The following ICAM1 variants were observed in gnomAD, a reference collection of about 807,000 sequenced individuals.
ICAM1 encodes intercellular adhesion molecule 1.
ICAM1 carries 28 observed loss-of-function variants against 42.3 expected under a neutral mutation model. That is an observed-to-expected ratio of 0.66 (90% CI 0.49 to 0.91). The LOEUF is 0.91. Ranked by LOEUF, ICAM1 falls within the 40% of genes least tolerant of loss-of-function variation. ICAM1 has a pLI of 0.00. For missense variants in ICAM1, 637 were observed against 688.6 expected (o/e 0.93, Z 0.84); for synonymous variants, 304 against 305.9 (o/e 0.99, Z 0.07).
chr19:10,273,888 C>T (rs1336960997), intron 1 of ICAM1, among the ~76,000 whole-genome samples: 2 of 152,040 alleles, frequency 1.3e-5, no homozygotes, highest in Non-Finnish European at 2.9e-5. Flanking sequence ...GTGGTGCTTG[C>T]CTGTAATCCC....
In ICAM1 at chr19:10,283,550, G is replaced by T. The variant is rs781416568; in HGVS notation, c.401G>T (p.Arg134Leu). The change falls in exon 3 of 7, where the codon CGC becomes CTC. Residue 134 changes from arginine (R) to leucine (L), a missense_variant. Coordinates refer to ENST00000264832, the MANE Select transcript of ICAM1 (RefSeq NM_000201.3). ...CCAGTGGGCAAGAACCTTACCCTAC[G>T]CTGCCAGGTGGAGGGTGGGGCACCC... ...WQPVGKNLTL[R>L]CQVEGGAPRA... 6.2e-7 allele frequency: 1 copy of T among 1,612,290 alleles called. No individual in the cohort carries two copies. The highest frequency in any genetic ancestry group is 8.5e-7 in the Non-Finnish European group (1 of 1,179,134).
chr19:10,275,087 G>C (rs1014038697), intron 2 of ICAM1, 59 bp downstream of exon 2: 1 of 1,537,218 alleles, frequency 6.5e-7, no homozygotes, highest in Non-Finnish European at 8.9e-7. Context: ...GACGTGCAGG[G>C]GCACCTGCAG....
chr19:10,283,449 C>T, intron 2 of ICAM1, 32 bp from the exon 3 acceptor site: 2 of 1,519,974 alleles, frequency 1.3e-6, no homozygotes, highest in Non-Finnish European at 1.8e-6. Flanking sequence ...AGGTCCACTT[C>T]ACCAGACACC....
At chr19:10,282,698 T>TG (rs1321249324) in intron 2 of ICAM1, among the ~76,000 whole-genome samples, 1 of 145,396 alleles carries the variant, frequency 6.9e-6, no homozygotes, top group African/African-American at 2.4e-5. Context: ...AGGTTTTTTT[T>TG]TTTGTTTTGT....
chr19:10,278,546 G>GTT (rs1192848785), intron 2 of ICAM1, among the ~76,000 whole-genome samples: 39 of 82,408 alleles, frequency 4.7e-4, no homozygotes, highest in African/African-American at 9.4e-4. Context: ...TGCCTGATAG[G>GTT]TCTTTTTTTT....
intron 2 of ICAM1, among the ~76,000 whole-genome samples, chr19:10,278,761 C>T (rs1350316687): frequency 6.6e-6 from 1 of 151,854 alleles, no homozygotes; most frequent in African/African-American, 2.4e-5. Flanking sequence ...AGGCTGGTCT[C>T]GAACTCTAGA....
intron 2 of ICAM1, among the ~76,000 whole-genome samples, chr19:10,280,942 G>T (rs979698673): frequency 1.4e-5 from 2 of 144,132 alleles, no homozygotes; most frequent in Admixed American, 7.2e-5. Context: ...GGTTCGATCT[G>T]GGCTCACTGC....
intron 1 of ICAM1, 67 bp from the exon 2 acceptor site, chr19:10,274,698 C>A: frequency 6.4e-7 from 1 of 1,554,884 alleles, no homozygotes; most frequent in African/African-American, 1.4e-5. Context: ...CCAGCACAGG[C>A]TGGGCGCACA....
intron 3 of ICAM1, 111 bp from the exon 4 acceptor site, chr19:10,283,922 G>T: frequency 6.8e-7 from 1 of 1,460,548 alleles, no homozygotes. Flanking sequence ...ATGTGACCTA[G>T]GCTGCTGAGT....
At chr19:10,276,122 G>GGTTCGAATCCTAGGA (rs2040015042) in intron 2 of ICAM1, among the ~76,000 whole-genome samples, 1 of 151,600 alleles carries the variant, frequency 6.6e-6, no homozygotes, top group Admixed American at 6.6e-5. Context: ...TTAACCCAGG[G>GGTTCGAATCCTAGGA]GTTCGAATCC....
chr19:10,274,866 T>C lies in ICAM1; in HGVS notation c.169T>C (p.Leu57=). 1.9e-6 allele frequency: 3 copies of C among 1,614,206 alleles called. No individual in the cohort carries two copies. The highest frequency in any genetic ancestry group is 2.5e-6 in the Non-Finnish European group (3 of 1,180,036). ...TCSTSCDQPK[L]LGIETPLPKK... is the part of the protein sequence containing the mutation. The stretch of plus-strand genomic sequence containing the variant: ...CAGCACCTCCTGTGACCAGCCCAAG[T>C]TGTTGGGCATAGAGACCCCGTTGCC... The change falls in exon 2 of 7, where the codon TTG becomes CTG. Residue 57 remains leucine, a synonymous_variant. Transcript: ENST00000264832.
At position 10,284,697 on chromosome 19, in the gene ICAM1, GC is replaced by G; in HGVS notation, c.1180+43del. On this transcript the variant is annotated intron_variant, in intron 5 of 6. Transcript: ENST00000264832. The surrounding 1 kb of genome is among the most constrained non-coding windows in gnomAD (Gnocchi z 5.4). ...TGGTCAATGGCCCCTATCCCCCAAG[GC>G]CCAATCTCCCTGAAGGTCCCATAAG... is the stretch of plus-strand genomic sequence containing the variant. 1 of 1,612,690 alleles carries G rather than the reference GC, an allele frequency of 6.2e-7. No homozygotes were observed. The highest frequency in any genetic ancestry group is 8.5e-7 in the Non-Finnish European group (1 of 1,179,472).
At chr19:10,272,567 T>TTC (rs1406199109) in intron 1 of ICAM1, among the ~76,000 whole-genome samples, 8 of 115,020 alleles carry the variant, frequency 7.0e-5, no homozygotes, top group African/African-American at 2.6e-4. Context: ...TTTCTTTTTT[T>TTC]TTTTTTTTTT....
At chr19:10,283,224 A>G (rs928708059) in intron 2 of ICAM1, 3 of 406,522 alleles carry the variant, frequency 7.4e-6, no homozygotes, top group Non-Finnish European at 1.3e-5. Flanking sequence ...ACCTAGCAAT[A>G]GACTTTGAAG....
Position 10,283,985 on chromosome 19 carries a change from C to T in ICAM1, c.638-48C>T, listed in dbSNP as rs757607074. 8.9e-6 allele frequency: 14 copies of T among 1,575,406 alleles called. No individual in the cohort carries two copies. In the East Asian group the frequency reaches 2.7e-4, roughly 30 times the overall value. On this transcript the variant is annotated intron_variant, in intron 3 of 6. Transcript: ENST00000264832. ...GGGAATGAAATGCCCCAGAGAAGGG[C>T]TTCGGGACGTCCATCCCTGTCTGCT...
chr19:10,281,721 C>CTT (rs33958632), intron 2 of ICAM1, among the ~76,000 whole-genome samples: 3 of 106,136 alleles, frequency 2.8e-5, no homozygotes, highest in Admixed American at 1.0e-4. Flanking sequence ...GGTCCTGATG[C>CTT]TTTTTTTTTT....
Position 10,284,532 on chromosome 19 carries a change from C to G in ICAM1, c.1055C>G (p.Pro352Arg). Residue 352 changes from proline (P) to arginine (R), a missense_variant, in exon 5 of 7, where the codon CCG (proline) becomes CGG (arginine). Pro to Arg is a moderately radical substitution (Grantham distance 103). Coordinates refer to ENST00000264832, the MANE Select transcript of ICAM1 (RefSeq NM_000201.3). This position sits in a 1 kb window ranked among gnomAD's most constrained non-coding sequence, Gnocchi z 5.4. ...LNGVPAQPLG[P>R]RAQLLLKATP... ...GGGGTTCCAGCCCAGCCACTGGGCCCGAGGGCCCAGCTCCTGCTGAAGGCC... is the reference window on the plus strand; with the variant it reads ...GGGGTTCCAGCCCAGCCACTGGGCCGGAGGGCCCAGCTCCTGCTGAAGGCC... 6.2e-7 allele frequency: 1 copy of G among 1,613,988 alleles called. No individual in the cohort carries two copies. Among genetic ancestry groups the G allele is most frequent in the South Asian group, 1.1e-5 (1 of 91,086 alleles).
At position 10,284,207 on chromosome 19, in the gene ICAM1, C is replaced by A. The variant is rs747446910; in HGVS notation, c.812C>A (p.Ser271Ter). The A allele has an allele frequency of 6.2e-7, 1 of 1,614,038 alleles. No individual in the cohort carries two copies. The highest frequency in any genetic ancestry group is 8.5e-7 in the Non-Finnish European group (1 of 1,180,030). ...GTCACCTATGGCAACGACTCCTTCT[C>A]GGCCAAGGCCTCAGTCAGTGTGACC... ...PTVTYGNDSF[S>*]AKASVSVTAE... is the part of the protein sequence containing the mutation. Residue 271 changes from serine to a stop codon, truncating the protein, a stop_gained, in exon 4 of 7, where the codon TCG becomes TAG. Coordinates refer to ENST00000264832, the MANE Select transcript of ICAM1 (RefSeq NM_000201.3). LOFTEE classifies it high-confidence loss of function. The surrounding 1 kb of genome is among the most constrained non-coding windows in gnomAD (Gnocchi z 5.4).
Position 10,284,019 on chromosome 19 carries a change from TC to T in ICAM1, c.638-13del. On this transcript the variant is annotated splice_polypyrimidine_tract_variant and intron_variant, in intron 3 of 6. Coordinates refer to ENST00000264832, the MANE Select transcript of ICAM1 (RefSeq NM_000201.3). This position sits in a 1 kb window ranked among gnomAD's most constrained non-coding sequence, Gnocchi z 5.4. ...GTCCATCCCTGTCTGCTCACACCTTTCTTCTCTCCCTAGTCCTGCCAGCGAC... is the reference window on the plus strand; with the variant it reads ...GTCCATCCCTGTCTGCTCACACCTTTTTCTCTCCCTAGTCCTGCCAGCGAC... 6.2e-7 allele frequency: 1 copy of T among 1,607,756 alleles called. No homozygotes were observed. Among genetic ancestry groups the T allele is most frequent in the South Asian group, 1.1e-5 (1 of 90,806 alleles).
Sources: allele counts gnomAD v4.1 joint callset (sites outside exome capture counted in the v4.1 genomes callset), GRCh38; gene constraint gnomAD v4.1.1; non-coding constraint Gnocchi (gnomAD v3.1); transcripts MANE v1.5; gene names NCBI Gene and HGNC (gene_info 2026-07-23, HGNC 2026-07-21).